The following CRYBG3 variants were observed in gnomAD, a reference collection of about 807,000 sequenced individuals.
CRYBG3 encodes crystallin beta-gamma domain containing 3, also known as very large A-kinase anchor protein.
A neutral mutation model predicts 244.2 loss-of-function variants in CRYBG3; 127 were observed. The observed-to-expected ratio is 0.52, with a 90% CI of 0.45 to 0.60. The LOEUF (loss-of-function observed/expected upper bound fraction) is 0.60, where lower values mean the gene tolerates loss of function less well. CRYBG3 is among the 20% of genes least tolerant of loss of function. The pLI, the probability that CRYBG3 is intolerant of heterozygous loss-of-function variation, is 0.00. For missense variants in CRYBG3, 3,325 were observed against 3,442.5 expected (o/e 0.97, Z 0.85); for synonymous variants, 1,132 against 1,195.8 (o/e 0.95, Z 1.10).
At chr3:97,865,178 T>C (rs1413420164) in intron 3 of CRYBG3, among the ~76,000 whole-genome samples, 5 of 152,198 alleles carry the variant, frequency 3.3e-5, no homozygotes, top group Non-Finnish European at 7.3e-5. Context: ...CACATCCACT[T>C]GTTTTTCCTT....
intron 21 of CRYBG3, 133 bp from the exon 22 acceptor site, chr3:97,943,093 C>T: frequency 1.6e-6 from 1 of 607,440 alleles, no homozygotes; most frequent in Non-Finnish European, 2.9e-6. Context: ...ACTCAGCTTC[C>T]CATTTCAGAC....
chr3:97,914,647 G>C (rs969524858), intron 16 of CRYBG3, among the ~76,000 whole-genome samples: 2 of 152,046 alleles, frequency 1.3e-5, no homozygotes, highest in African/African-American at 4.8e-5. Context: ...GGTAATAACG[G>C]TACCTACCTC....
chr3:97,883,621 T>A (rs1166779542), intron 7 of CRYBG3, among the ~76,000 whole-genome samples: 1 of 152,224 alleles, frequency 6.6e-6, no homozygotes, highest in Non-Finnish European at 1.5e-5. Flanking sequence ...CTTTTTCTTC[T>A]AGTGTTTGTT....
chr3:97,849,405 C>A (rs1005161170), intron 2 of CRYBG3, among the ~76,000 whole-genome samples: 1 of 151,926 alleles, frequency 6.6e-6, no homozygotes, highest in African/African-American at 2.4e-5. Flanking sequence ...TCAACTTTAG[C>A]TGGAAGTCAA....
intron 2 of CRYBG3, among the ~76,000 whole-genome samples, chr3:97,855,297 C>CT (rs2039047958): frequency 6.6e-6 from 1 of 151,940 alleles, no homozygotes; most frequent in Non-Finnish European, 1.5e-5. Context: ...CTGTAGTTTT[C>CT]TTTTGTGTGT....
Position 97,873,014 on chromosome 3 carries a change from A to C in CRYBG3, c.1820A>C (p.Asn607Thr). 6.5e-7 allele frequency: 1 copy of C among 1,535,880 alleles called. No homozygotes were observed. Among genetic ancestry groups the C allele is most frequent in the Non-Finnish European group, 8.7e-7 (1 of 1,146,778 alleles). ...GTTGTAGCAAGCTTAGGAAATGAAAATGCACCTGAGTTGAAATTTGAACTT... is the reference window on the plus strand; with the variant it reads ...GTTGTAGCAAGCTTAGGAAATGAAACTGCACCTGAGTTGAAATTTGAACTT... ...SAVVASLGNE[N>T]APELKFELNR... The change falls in exon 4 of 22, where the codon AAT (asparagine) becomes ACT (threonine). Residue 607 changes from asparagine (N) to threonine (T), a missense_variant. Around this residue, in one of 4 missense-constraint regions of CRYBG3, gnomAD observed 1,526 missense variants for 1,443.2 expected, o/e 1.06. Transcript: ENST00000389622.
At chr3:97,888,253 G>T (rs2039532349) in intron 8 of CRYBG3, 88 bp from the exon 9 acceptor site, 3 of 734,284 alleles carry the variant, frequency 4.1e-6, no homozygotes, top group Non-Finnish European at 6.9e-6. Context: ...GGAGGATTTT[G>T]TTTTTTTATT....
intron 1 of CRYBG3, among the ~76,000 whole-genome samples, chr3:97,840,253 T>C (rs1252423678): frequency 6.6e-6 from 1 of 152,120 alleles, no homozygotes; most frequent in Admixed American, 6.6e-5. Context: ...TGAATAATGT[T>C]ATCCATGCTA....
chr3:97,898,860 A>C, intron 12 of CRYBG3, 23 bp from the exon 13 acceptor site: 1 of 1,543,652 alleles, frequency 6.5e-7, no homozygotes, highest in Non-Finnish European at 8.8e-7. Context: ...TGTTTTCCTA[A>C]ACTTTCCTCT....
rs1013749969 is a variant in CRYBG3 at position 97,912,337 on chromosome 3, A to G, written c.8114+61A>G. The G allele has an allele frequency of 4.4e-5, 38 of 861,946 alleles. No individual in the cohort carries two copies. The African/African-American group carries it at 6.2e-4, about 14-fold the overall frequency. 53.4% of individuals were successfully genotyped at this position (861,946 alleles called of 1,614,324 possible). ...TAATAACTAATACTTTTAAATTTAC[A>G]GAGATATATTTTTTGCATGCACAGT... On this transcript the variant is annotated intron_variant, in intron 16 of 21. Transcript: ENST00000389622.
chr3:97,907,979 T>C (rs2039798665), intron 15 of CRYBG3, among the ~76,000 whole-genome samples: 1 of 152,188 alleles, frequency 6.6e-6, no homozygotes, highest in Non-Finnish European at 1.5e-5. Flanking sequence ...AGAACATCTT[T>C]ATTTCTGCCT....
intron 18 of CRYBG3, among the ~76,000 whole-genome samples, chr3:97,934,689 A>G (rs1368155453): frequency 1.7e-5 from 2 of 117,404 alleles, no homozygotes; most frequent in South Asian, 2.8e-4. Context: ...CTTTTATATT[A>G]TACACTTGTA....
chr3:97,883,806 G>A (rs1180084447), intron 7 of CRYBG3, among the ~76,000 whole-genome samples: 3 of 152,078 alleles, frequency 2.0e-5, no homozygotes, highest in Admixed American at 1.3e-4. Flanking sequence ...TTTTTCCAAC[G>A]TTGTCAGAAT....
At chr3:97,860,480 T>C (rs559535652) in intron 2 of CRYBG3, among the ~76,000 whole-genome samples, 14 of 152,082 alleles carry the variant, frequency 9.2e-5, no homozygotes, top group Non-Finnish European at 2.1e-4. Flanking sequence ...GAATTTTCAT[T>C]GGTGAGATGG....
chr3:97,850,690 A>C (rs1159731085), intron 2 of CRYBG3, among the ~76,000 whole-genome samples: 1 of 152,250 alleles, frequency 6.6e-6, no homozygotes, highest in Non-Finnish European at 1.5e-5. Flanking sequence ...TCTTTGAAGC[A>C]AAATTACTTT....
intron 17 of CRYBG3, among the ~76,000 whole-genome samples, chr3:97,916,529 A>G (rs1348094873): frequency 6.6e-6 from 1 of 152,184 alleles, no homozygotes; most frequent in Admixed American, 6.6e-5. Flanking sequence ...GATCTGGGAT[A>G]CTTTCAAGAT....
intron 15 of CRYBG3, among the ~76,000 whole-genome samples, chr3:97,909,763 C>T (rs1174788795): frequency 1.3e-5 from 2 of 151,210 alleles, no homozygotes; most frequent in East Asian, 3.9e-4. Context: ...AAGTCATTCT[C>T]CATCCAGCTT....
chr3:97,908,963 C>T (rs2039825988), intron 15 of CRYBG3, among the ~76,000 whole-genome samples: 1 of 152,056 alleles, frequency 6.6e-6, no homozygotes, highest in African/African-American at 2.4e-5. Flanking sequence ...AATCTCTCAG[C>T]ATATGCTTGT....
At chr3:97,857,327 G>T (rs1453815227) in intron 2 of CRYBG3, among the ~76,000 whole-genome samples, 1 of 151,914 alleles carries the variant, frequency 6.6e-6, no homozygotes, top group African/African-American at 2.4e-5. Context: ...ATTTGCTGAT[G>T]AGAAAAATGT....
Sources: gnomAD v4.1 joint callset for allele counts (sites outside exome capture counted in the v4.1 genomes callset) on GRCh38, gnomAD v4.1.1 for gene constraint, gnomAD v4.1.1 regional missense constraint, MANE v1.5 for transcripts, NCBI Gene and HGNC (gene_info 2026-07-23, HGNC 2026-07-21) for gene names.